RARB: variants seen among roughly 807,000 people sequenced by gnomAD.
RARB encodes HBV-activated protein.
RARB carries 17 observed loss-of-function variants against 51.9 expected under a neutral mutation model. That is an observed-to-expected ratio of 0.33 (90% CI 0.22 to 0.49). The LOEUF is 0.49. Among genes scored for constraint, RARB ranks in the 20% least tolerant of loss-of-function variants. The pLI is 0.99. For synonymous variants in RARB, 215 were observed against 195.4 expected (o/e 1.10, Z -0.84); for missense variants, 369 against 550.8 (o/e 0.67, Z 3.30).
intron 5 of RARB, among the ~76,000 whole-genome samples, chr3:25,196,231 C>A (rs1332248587): frequency 2.0e-5 from 3 of 151,982 alleles, no homozygotes; most frequent in Non-Finnish European, 4.4e-5. Flanking sequence ...TCCCCTCACC[C>A]CACAACAGGC....
At chr3:25,395,604 CT>C (rs982580110) in intron 5 of RARB, among the ~76,000 whole-genome samples, 1 of 131,612 alleles carries the variant, frequency 7.6e-6, no homozygotes, top group Non-Finnish European at 1.6e-5. Flanking sequence ...TTTTTAAATT[CT>C]TTTTTTTGTC....
intron 2 of RARB, among the ~76,000 whole-genome samples, chr3:24,889,675 AGTGTGTGTGT>A (rs71057686): frequency 4.2e-5 from 6 of 142,868 alleles, no homozygotes; most frequent in East Asian, 4.1e-4. Context: ...CACCTCTTAA[AGTGTGTGTGT>A]GTGTGTGTGT....
chr3:25,362,214 C>G (rs1427974653), intron 5 of RARB, among the ~76,000 whole-genome samples: 1 of 152,200 alleles, frequency 6.6e-6, no homozygotes, highest in East Asian at 1.9e-4. Flanking sequence ...GAGAGGCAGT[C>G]TGGCTACAGC....
At chr3:24,918,206 T>C (rs1256281869) in intron 2 of RARB, among the ~76,000 whole-genome samples, 1 of 152,226 alleles carries the variant, frequency 6.6e-6, no homozygotes, top group African/African-American at 2.4e-5. Flanking sequence ...CAATGGCATA[T>C]TATTCAGCAA....
intron 2 of RARB, among the ~76,000 whole-genome samples, chr3:25,007,817 A>T (rs867889118): frequency 6.6e-6 from 1 of 151,964 alleles, no homozygotes; most frequent in Non-Finnish European, 1.5e-5. Context: ...GCTTTGTGAT[A>T]CGTGTTACAT....
chr3:25,014,860 C>G (rs1697475214), intron 2 of RARB, among the ~76,000 whole-genome samples: 1 of 152,090 alleles, frequency 6.6e-6, no homozygotes, highest in Admixed American at 6.6e-5. Context: ...AAAAAACCCT[C>G]ACAAGTTCAC....
rs566266909 is a variant in RARB at position 24,949,323 on chromosome 3, C to A, written c.-380+90571C>A. On this transcript the variant is annotated intron_variant, in intron 2 of 11. Transcript: ENST00000383772. ...GCTGATGTAGACATCCCAAGGACCTCCTCTGAGACAGGAAAAAATATAATT... is the reference window on the plus strand; with the variant it reads ...GCTGATGTAGACATCCCAAGGACCTACTCTGAGACAGGAAAAAATATAATT... Among the ~76,000 whole-genome samples the A allele has an allele frequency of 3.4e-4, 52 of 152,302 alleles. No homozygotes were observed. In the South Asian group the frequency reaches 6.8e-3, roughly 20 times the overall value.
intron 5 of RARB, among the ~76,000 whole-genome samples, chr3:25,388,571 T>G (rs1706860007): frequency 6.6e-6 from 1 of 152,146 alleles, no homozygotes; most frequent in Non-Finnish European, 1.5e-5. Flanking sequence ...AAAGAAATTG[T>G]TTTTTTGCCC....
At chr3:25,479,528 C>T (rs546420875) in intron 2 of RARB, among the ~76,000 whole-genome samples, 3 of 152,198 alleles carry the variant, frequency 2.0e-5, no homozygotes, top group East Asian at 1.9e-4. Flanking sequence ...GAATTTTGTT[C>T]GAATCCTTAT....
intron 2 of RARB, among the ~76,000 whole-genome samples, chr3:24,927,888 C>A (rs968196473): frequency 2.6e-5 from 4 of 152,030 alleles, no homozygotes; most frequent in Admixed American, 2.6e-4. Context: ...ATTTACTGTG[C>A]TCCGCAGCAA....
chr3:25,042,294 T>A (rs1575132526), intron 2 of RARB, among the ~76,000 whole-genome samples: 1 of 152,246 alleles, frequency 6.6e-6, no homozygotes, highest in South Asian at 2.1e-4. Flanking sequence ...TAAACAGATA[T>A]GAAAGCACAG....
At chr3:24,854,628 C>A (rs1575037074) in intron 1 of RARB, among the ~76,000 whole-genome samples, 1 of 152,138 alleles carries the variant, frequency 6.6e-6, no homozygotes, top group Admixed American at 6.5e-5. Flanking sequence ...AAGCCCTCCT[C>A]TTCTTGATGC....
chr3:25,412,751 G>T (rs1370934546), intron 5 of RARB, among the ~76,000 whole-genome samples: 1 of 152,200 alleles, frequency 6.6e-6, no homozygotes, highest in Non-Finnish European at 1.5e-5. Flanking sequence ...CGGGGGCAGT[G>T]GCTCATGCCT....
At chr3:25,500,501 A>G (rs1697260727) in intron 2 of RARB, among the ~76,000 whole-genome samples, 1 of 88,582 alleles carries the variant, frequency 1.1e-5, no homozygotes, top group Admixed American at 1.7e-4. Context: ...TGTTGTTGAG[A>G]CAGAGTCTCA....
At chr3:25,453,501 A>G (rs1240097820) in intron 1 of RARB, among the ~76,000 whole-genome samples, 1 of 151,852 alleles carries the variant, frequency 6.6e-6, no homozygotes, top group Non-Finnish European at 1.5e-5. Flanking sequence ...CCCACCTTGG[A>G]TTAAGTGCTG....
At chr3:24,976,269 C>T (rs925428516) in intron 2 of RARB, among the ~76,000 whole-genome samples, 4 of 152,104 alleles carry the variant, frequency 2.6e-5, no homozygotes, top group Non-Finnish European at 5.9e-5. Flanking sequence ...ATTTATAATT[C>T]TTTTGGTATA....
At chr3:25,174,980 G>A (rs1700715531) in intron 5 of RARB, among the ~76,000 whole-genome samples, 2 of 152,136 alleles carry the variant, frequency 1.3e-5, no homozygotes, top group Admixed American at 6.5e-5. Context: ...GATCTTCTCT[G>A]AATCTTTTAC....
In RARB at chr3:25,164,168, A is replaced by G. The variant is rs114011933; in HGVS notation, c.-279-9951A>G. Among the ~76,000 whole-genome samples, 1,076 of 152,288 alleles carry G rather than the reference A, an allele frequency of 7.1e-3. 7 individuals carry two copies. The highest frequency in any genetic ancestry group is 0.027 in the Middle Eastern group (8 of 294). ...AGGTAGCTGGAAAGAACTAGTTATT[A>G]TATCTTTGACCTCAGCCAGAAGGTA... On this transcript the variant is annotated intron_variant, in intron 4 of 11. Transcript: ENST00000383772.
At chr3:25,232,788 T>A (rs1702209397) in intron 5 of RARB, among the ~76,000 whole-genome samples, 1 of 152,092 alleles carries the variant, frequency 6.6e-6, no homozygotes, top group Non-Finnish European at 1.5e-5. Flanking sequence ...ATTCTGTTTT[T>A]CACTTTCAGT....
Sources: gnomAD v4.1 joint callset for allele counts (sites outside exome capture counted in the v4.1 genomes callset) on GRCh38, gnomAD v4.1.1 for gene constraint, MANE v1.5 for transcripts, NCBI Gene and HGNC (gene_info 2026-07-23, HGNC 2026-07-21) for gene names.